Variants in NEK7 observed in about 807,000 individuals in gnomAD.
NEK7 encodes the protein NIMA related kinase 7.
In NEK7, 18 loss-of-function variants were observed where a neutral mutation model predicts 44.6. The observed-to-expected ratio is 0.40, with a 90% confidence interval of 0.28 to 0.60. The LOEUF is 0.60. Among genes scored for constraint, NEK7 ranks in the 20% least tolerant of loss-of-function variants. The pLI, the probability that NEK7 is intolerant of heterozygous loss-of-function variation, is 0.38. For synonymous variants in NEK7, 130 were observed against 121.1 expected, an observed-to-expected ratio of 1.07 and a Z score of -0.48; for missense variants, 256 against 366.5, an observed-to-expected ratio of 0.70 and a Z score of 2.46.
chr1:198,227,782 G>A (rs1472617462), intron 1 of NEK7, among the ~76,000 whole-genome samples: 1 of 152,130 alleles, frequency 6.6e-6, no homozygotes, highest in Non-Finnish European at 1.5e-5. Flanking sequence ...TTTGTCAGAT[G>A]AATATATTGC....
chr1:198,205,297 G>C (rs1665562046), intron 1 of NEK7, among the ~76,000 whole-genome samples: 1 of 152,180 alleles, frequency 6.6e-6, no homozygotes, highest in Non-Finnish European at 1.5e-5. Flanking sequence ...TGAAAATAGA[G>C]TGAACCTCCA....
At chr1:198,246,715 T>TA (rs1212029837) in intron 2 of NEK7, among the ~76,000 whole-genome samples, 1 of 152,240 alleles carries the variant, frequency 6.6e-6, no homozygotes, top group Non-Finnish European at 1.5e-5. Flanking sequence ...CACACTGCCT[T>TA]AGCAGTTCAC....
chr1:198,191,585 T>C (rs1379336307), intron 1 of NEK7, among the ~76,000 whole-genome samples: 1 of 152,062 alleles, frequency 6.6e-6, no homozygotes, highest in Non-Finnish European at 1.5e-5. Flanking sequence ...TTCTTTGTAC[T>C]TTTTAAATTA....
chr1:198,232,096 C>T (rs1002786067), intron 1 of NEK7, among the ~76,000 whole-genome samples: 4 of 152,034 alleles, frequency 2.6e-5, no homozygotes, highest in African/African-American at 9.7e-5. Context: ...GACGACTGGC[C>T]TTTTAAGTTT....
At chr1:198,211,360 A>G (rs1379892128) in intron 1 of NEK7, among the ~76,000 whole-genome samples, 1 of 152,208 alleles carries the variant, frequency 6.6e-6, no homozygotes, top group East Asian at 1.9e-4. Flanking sequence ...ATTGTTACAA[A>G]AGAATGAAAT....
At chr1:198,165,281 A>AC (rs1358255115) in intron 1 of NEK7, among the ~76,000 whole-genome samples, 1 of 152,228 alleles carries the variant, frequency 6.6e-6, no homozygotes, top group African/African-American at 2.4e-5. Flanking sequence ...GGCATCTAGA[A>AC]TGGTGAATCC....
chr1:198,285,921 A>G (rs572152189), intron 7 of NEK7, among the ~76,000 whole-genome samples: 2 of 152,276 alleles, frequency 1.3e-5, no homozygotes, highest in African/African-American at 2.4e-5. Flanking sequence ...TGGTGAATGA[A>G]GAGTGAGCCG....
At chr1:198,204,717 C>CAAAAAAA in intron 1 of NEK7, among the ~76,000 whole-genome samples, 3 of 87,888 alleles carry the variant, frequency 3.4e-5, no homozygotes, top group Non-Finnish European at 7.4e-5. Context: ...GACTCCGTCT[C>CAAAAAAA]AAAAAAAAAA....
rs1664303802 is a variant in NEK7 at position 198,167,518 on chromosome 1, TGTTA to T, written c.-29+10246_-29+10249del. Among the ~76,000 whole-genome samples the T allele has an allele frequency of 2.6e-5, 4 of 152,284 alleles. No homozygotes were observed. The South Asian group carries it at 8.3e-4, about 32-fold the overall frequency. On this transcript the variant is annotated intron_variant, in intron 1 of 9. Coordinates refer to ENST00000367385, the MANE Select transcript of NEK7 (RefSeq NM_133494.3). ...GGTGAAAGAAAATAGTACATCTAAG[TGTTA>T]GTTTTAGTTCCTTCTCAACCAAACG...
chr1:198,313,011 G>T (rs567860665), intron 9 of NEK7, among the ~76,000 whole-genome samples: 1 of 151,874 alleles, frequency 6.6e-6, no homozygotes, highest in Non-Finnish European at 1.5e-5. Context: ...TTTCTGTCTC[G>T]TTGATCTGTC....
Position 198,209,818 on chromosome 1 carries a change from T to A in NEK7, c.-28-22735T>A, listed in dbSNP as rs556357420. ...TGCTGGGTCTAATATTTATTTATAT[T>A]TTTATTTATTTATCTGGAGATGGAG... On this transcript the variant is annotated intron_variant, in intron 1 of 9. Transcript: ENST00000367385. Among the ~76,000 whole-genome samples, 3 of 152,028 alleles carry A rather than the reference T, an allele frequency of 2.0e-5. No homozygotes were observed. The East Asian group carries it at 5.8e-4, about 29-fold the overall frequency.
chr1:198,170,003 C>CTAGGCAGGTCCTAG (rs1553246265), intron 1 of NEK7, among the ~76,000 whole-genome samples: 20 of 152,178 alleles, frequency 1.3e-4, no homozygotes, highest in Non-Finnish European at 2.1e-4. Flanking sequence ...AAGGGAATGC[C>CTAGGCAGGTCCTAG]CAGAACAATT....
At chr1:198,318,417 C>G (rs1036373131) in intron 9 of NEK7, among the ~76,000 whole-genome samples, 2 of 152,150 alleles carry the variant, frequency 1.3e-5, no homozygotes, top group African/African-American at 4.8e-5. Flanking sequence ...TCAGCCCAAG[C>G]TTTTTAATCA....
chr1:198,285,207 T>G (rs982300423), intron 7 of NEK7, among the ~76,000 whole-genome samples: 2 of 152,092 alleles, frequency 1.3e-5, no homozygotes, highest in African/African-American at 2.4e-5. Context: ...ACAGAGATCT[T>G]TGTGTATTTG....
At position 198,232,000 on chromosome 1, in the gene NEK7, C is replaced by G. The variant is rs1666410772; in HGVS notation, c.-28-553C>G. On this transcript the variant is annotated intron_variant, in intron 1 of 9. Transcript: ENST00000367385. ...TGAGTCTTGTGCAATGCCTGACATG[C>G]AATTACCTTCAGCCTATGTATACTG... Among the ~76,000 whole-genome samples the G allele has an allele frequency of 2.0e-5, 3 of 152,060 alleles. No homozygotes were observed. In the South Asian group the frequency reaches 6.2e-4, roughly 31 times the overall value.
At chr1:198,264,379 A>G (rs1184032186) in intron 5 of NEK7, 144 bp downstream of exon 5, 2 of 436,736 alleles carry the variant, frequency 4.6e-6, no homozygotes, top group African/African-American at 5.0e-5. Flanking sequence ...CAAATAGTAG[A>G]TGGTTAGTGA....
At chr1:198,244,799 T>C (rs901542356) in intron 2 of NEK7, among the ~76,000 whole-genome samples, 9 of 152,114 alleles carry the variant, frequency 5.9e-5, no homozygotes, top group African/African-American at 2.2e-4. Flanking sequence ...CTTCATGGCA[T>C]TTTGATAAAA....
intron 1 of NEK7, among the ~76,000 whole-genome samples, chr1:198,203,148 A>G (rs1173791715): frequency 6.6e-6 from 1 of 152,180 alleles, no homozygotes; most frequent in Non-Finnish European, 1.5e-5. Flanking sequence ...GTATTTATAT[A>G]AAACTGAAGG....
intron 9 of NEK7, among the ~76,000 whole-genome samples, chr1:198,312,224 G>A (rs967063056): frequency 1.1e-4 from 16 of 151,114 alleles, no homozygotes; most frequent in African/African-American, 2.2e-4. Context: ...GTTTATTTGC[G>A]TAGAGGTGTT....
Sources: gnomAD v4.1 joint callset for allele counts (sites outside exome capture counted in the v4.1 genomes callset) on GRCh38, gnomAD v4.1.1 for gene constraint, MANE v1.5 for transcripts, NCBI Gene and HGNC (gene_info 2026-07-23, HGNC 2026-07-21) for gene names.